Variants in CNTN4 observed in about 807,000 individuals in gnomAD.
CNTN4 encodes contactin-4.
CNTN4 carries 77 observed loss-of-function variants against 122.5 expected under a neutral mutation model. The observed-to-expected ratio is 0.63, with a 90% CI of 0.52 to 0.76. The LOEUF is 0.76. Among genes scored for constraint, CNTN4 ranks in the 30% least tolerant of loss-of-function variants. The pLI, the probability that CNTN4 is intolerant of heterozygous loss-of-function variation, is 0.00. For synonymous variants in CNTN4, 512 were observed against 447.0 expected, an observed-to-expected ratio of 1.15 and a Z score of -1.83; for missense variants, 1,256 against 1,259.1, an observed-to-expected ratio of 1.00 and a Z score of 0.04.
chr3:3,016,836 A>T (rs1204804112), intron 14 of CNTN4, among the ~76,000 whole-genome samples: 1 of 152,196 alleles, frequency 6.6e-6, no homozygotes, highest in African/African-American at 2.4e-5. Context: ...ATTTTCCCCC[A>T]GTCCTTGAAA....
chr3:2,516,155 A>C (rs912115597), intron 3 of CNTN4, among the ~76,000 whole-genome samples: 1 of 151,866 alleles, frequency 6.6e-6, no homozygotes, highest in Non-Finnish European at 1.5e-5. Context: ...TCCTTATTGA[A>C]CTTGTAGGCT....
intron 3 of CNTN4, among the ~76,000 whole-genome samples, chr3:2,411,427 C>A (rs909688620): frequency 5.3e-5 from 8 of 152,100 alleles, no homozygotes; most frequent in African/African-American, 1.9e-4. Flanking sequence ...CATAAAGCTA[C>A]CTGAAATCTA....
chr3:2,273,933 G>A (rs369353223), intron 2 of CNTN4, among the ~76,000 whole-genome samples: 1 of 152,048 alleles, frequency 6.6e-6, no homozygotes, highest in Non-Finnish European at 1.5e-5. Flanking sequence ...ATAGAGGTTA[G>A]CATTATTTTA....
At chr3:3,031,940 C>T (rs1241595295) in intron 16 of CNTN4, among the ~76,000 whole-genome samples, 2 of 152,132 alleles carry the variant, frequency 1.3e-5, no homozygotes, top group Non-Finnish European at 2.9e-5. Context: ...TCTGCATGCA[C>T]AGAGAACAAG....
At position 2,528,549 on chromosome 3, in the gene CNTN4, C is replaced by T. The variant is rs138523927; in HGVS notation, c.-88-42867C>T. 3.7e-3 allele frequency among the ~76,000 whole-genome samples: 568 copies of T among 152,196 alleles called. 6 individuals carry two copies. Among genetic ancestry groups the T allele is most frequent in the African/African-American group, 0.013 (539 of 41,540 alleles). On this transcript the variant is annotated intron_variant, in intron 3 of 24. Coordinates refer to ENST00000418658, the MANE Select transcript of CNTN4 (RefSeq NM_175607.3). ...CAAGGTGAAACCGAAACTGATTTGTCTGAGATTGTACTACTTTACTGACCC... is the reference window on the plus strand; with the variant it reads ...CAAGGTGAAACCGAAACTGATTTGTTTGAGATTGTACTACTTTACTGACCC...
intron 4 of CNTN4, among the ~76,000 whole-genome samples, chr3:2,578,281 A>G (rs2079785397): frequency 6.6e-6 from 1 of 152,180 alleles, no homozygotes; most frequent in Non-Finnish European, 1.5e-5. Flanking sequence ...TAGTTCTGAG[A>G]GCAAAAATAC....
chr3:2,747,330 ACC>A (rs2089835508), intron 6 of CNTN4, among the ~76,000 whole-genome samples: 1 of 151,574 alleles, frequency 6.6e-6, no homozygotes, highest in East Asian at 1.9e-4. Context: ...AATGGCGGGA[ACC>A]CGGGAGGCGG....
At chr3:2,747,325 C>G (rs1206392420) in intron 6 of CNTN4, among the ~76,000 whole-genome samples, 1 of 151,316 alleles carries the variant, frequency 6.6e-6, no homozygotes, top group African/African-American at 2.4e-5. Context: ...AGGAGAATGG[C>G]GGGAACCCGG....
chr3:2,601,414 A>G (rs536987883), intron 4 of CNTN4, among the ~76,000 whole-genome samples: 1 of 152,294 alleles, frequency 6.6e-6, no homozygotes, highest in Admixed American at 6.5e-5. Flanking sequence ...TCAGCTTTCT[A>G]CATATGGGTA....
chr3:2,996,365 G>A (rs1230132213), intron 14 of CNTN4, among the ~76,000 whole-genome samples: 1 of 152,122 alleles, frequency 6.6e-6, no homozygotes, highest in Non-Finnish European at 1.5e-5. Context: ...TGCAGGCAAA[G>A]CCATCCAGAC....
chr3:2,201,476 T>C (rs913137060), intron 2 of CNTN4, among the ~76,000 whole-genome samples: 2 of 152,192 alleles, frequency 1.3e-5, no homozygotes, highest in Non-Finnish European at 2.9e-5. Context: ...AAAATGCAGA[T>C]CTGAAAATAC....
intron 7 of CNTN4, among the ~76,000 whole-genome samples, chr3:2,821,590 AT>A (rs1235513939): frequency 6.6e-6 from 1 of 152,236 alleles, no homozygotes; most frequent in Non-Finnish European, 1.5e-5. Context: ...GCCCTGGAAA[AT>A]ATCATAATTT....
At chr3:2,352,138 C>T (rs1385706740) in intron 3 of CNTN4, among the ~76,000 whole-genome samples, 4 of 152,172 alleles carry the variant, frequency 2.6e-5, no homozygotes, top group African/African-American at 9.7e-5. Flanking sequence ...TGCCTGTAAT[C>T]CCAGCACTTT....
intron 2 of CNTN4, among the ~76,000 whole-genome samples, chr3:2,249,458 G>A (rs1200698653): frequency 6.6e-6 from 1 of 151,934 alleles, no homozygotes; most frequent in African/African-American, 2.4e-5. Flanking sequence ...CAGTTAGTGT[G>A]TCTGAAAGTG....
At chr3:2,578,025 T>A (rs1383369757) in intron 4 of CNTN4, among the ~76,000 whole-genome samples, 6 of 152,172 alleles carry the variant, frequency 3.9e-5, no homozygotes, top group African/African-American at 7.2e-5. Context: ...TGGAGAAAGA[T>A]CCTGTATAAT....
At chr3:3,028,661 T>C (rs1262842568) in intron 15 of CNTN4, among the ~76,000 whole-genome samples, 1 of 152,172 alleles carries the variant, frequency 6.6e-6, no homozygotes, top group Non-Finnish European at 1.5e-5. Flanking sequence ...GGGGCATATT[T>C]TTTATTTAAA....
chr3:2,510,313 T>C (rs890727605), intron 3 of CNTN4, among the ~76,000 whole-genome samples: 10 of 152,204 alleles, frequency 6.6e-5, no homozygotes, highest in African/African-American at 2.2e-4. Context: ...GCAAAGCCCT[T>C]ATTGTACAGA....
intron 2 of CNTN4, among the ~76,000 whole-genome samples, chr3:2,258,245 A>G (rs956120458): frequency 2.6e-5 from 4 of 152,182 alleles, no homozygotes; most frequent in South Asian, 2.1e-4. Context: ...ATTACTGGCT[A>G]TATACCCAAA....
rs192803586 is a variant in CNTN4, at chr3:2,782,003, A to G, written c.358+36306A>G. 3.2e-3 allele frequency among the ~76,000 whole-genome samples: 489 copies of G among 151,960 alleles called. 4 individuals are homozygous for G. Among genetic ancestry groups the G allele is most frequent in the East Asian group, 0.021 (108 of 5,138 alleles). ...CTCCCAAAGTGCTGAGATTACAGGC[A>G]TGAGCCACCGGTAAATTTAAACAAT... On this transcript the variant is annotated intron_variant, in intron 6 of 24. Coordinates refer to ENST00000418658, the MANE Select transcript of CNTN4 (RefSeq NM_175607.3).
Sources: allele counts gnomAD v4.1 joint callset (sites outside exome capture counted in the v4.1 genomes callset), GRCh38; gene constraint gnomAD v4.1.1; transcripts MANE v1.5; gene names NCBI Gene and HGNC (gene_info 2026-07-23, HGNC 2026-07-21).